COL14A1: variants seen among roughly 807,000 people sequenced by gnomAD.
The protein encoded by COL14A1 is collagen type XIV alpha 1 chain, also known as collagen alpha-1(XIV) chain.
A neutral mutation model predicts 230.3 loss-of-function variants in COL14A1; 136 were observed. The ratio of observed to expected loss-of-function variants is 0.59; its 90% CI spans 0.51 to 0.68. The LOEUF (loss-of-function observed/expected upper bound fraction) is 0.68. Among genes scored for constraint, COL14A1 ranks in the 30% least tolerant of loss-of-function variants. The probability of loss-of-function intolerance (pLI) is 0.00; values close to 1 mark genes in which losing one functional copy is unlikely to be tolerated. For synonymous variants in COL14A1, 792 were observed against 784.1 expected, an observed-to-expected ratio of 1.01 and a Z score of -0.17; for missense variants, 1,976 against 2,215.8, an observed-to-expected ratio of 0.89 and a Z score of 2.17.
chr8:120,350,261 G>A (rs1464898568), intron 45 of COL14A1, among the ~76,000 whole-genome samples: 18 of 151,878 alleles, frequency 1.2e-4, no homozygotes, highest in East Asian at 5.8e-4. Context: ...AGGAACAACC[G>A]GTACCAGCCG....
intron 14 of COL14A1, among the ~76,000 whole-genome samples, chr8:120,222,688 T>G (rs2130794758): frequency 6.6e-6 from 1 of 152,264 alleles, no homozygotes; most frequent in Admixed American, 6.5e-5. Flanking sequence ...GCCCTTAGAT[T>G]AGAGAAGACC....
At chr8:120,192,500 T>C (rs1816862809) in intron 5 of COL14A1, among the ~76,000 whole-genome samples, 2 of 152,216 alleles carry the variant, frequency 1.3e-5, no homozygotes, top group Admixed American at 1.3e-4. Context: ...ATTTCAACTT[T>C]GGTGAATCTG....
chr8:120,146,206 C>CA (rs1815084943), intron 1 of COL14A1, among the ~76,000 whole-genome samples: 2 of 152,310 alleles, frequency 1.3e-5, no homozygotes. Context: ...GTAGTCTTTA[C>CA]ATACAGCAAG....
chr8:120,221,191 G>T (rs1217128633), intron 14 of COL14A1, among the ~76,000 whole-genome samples: 1 of 152,210 alleles, frequency 6.6e-6, no homozygotes, highest in African/African-American at 2.4e-5. Context: ...AGAGCCTGGA[G>T]TTGAGCCCAA....
At chr8:120,148,627 T>C (rs1397749967) in intron 2 of COL14A1, among the ~76,000 whole-genome samples, 1 of 152,250 alleles carries the variant, frequency 6.6e-6, no homozygotes, top group Non-Finnish European at 1.5e-5. Flanking sequence ...GTCTCTTACA[T>C]AATGTACAGG....
intron 1 of COL14A1, among the ~76,000 whole-genome samples, chr8:120,145,179 T>G (rs1180832658): frequency 6.6e-6 from 1 of 152,232 alleles, no homozygotes; most frequent in Admixed American, 6.5e-5. Context: ...AATCCCATTT[T>G]ACCTGTAAAA....
chr8:120,312,000 C>T (rs1563731748), intron 37 of COL14A1, among the ~76,000 whole-genome samples: 1 of 151,884 alleles, frequency 6.6e-6, no homozygotes, highest in South Asian at 2.1e-4. Context: ...GGGAGGCTGA[C>T]ACAGGAGAAT....
At chr8:120,174,733 G>A (rs1172174226) in intron 5 of COL14A1, among the ~76,000 whole-genome samples, 1 of 152,130 alleles carries the variant, frequency 6.6e-6, no homozygotes, top group African/African-American at 2.4e-5. Context: ...TTCAGATGAG[G>A]GTTTCCATGA....
chr8:120,225,442 T>A (rs1269540933), intron 15 of COL14A1, among the ~76,000 whole-genome samples: 1 of 152,172 alleles, frequency 6.6e-6, no homozygotes, highest in East Asian at 1.9e-4. Context: ...ATTCAAAAGG[T>A]CTGTTTTTAA....
intron 31 of COL14A1, among the ~76,000 whole-genome samples, chr8:120,282,310 T>G (rs1468221174): frequency 6.6e-6 from 1 of 152,214 alleles, no homozygotes; most frequent in African/African-American, 2.4e-5. Context: ...TGAAGGCAGA[T>G]CTGCCCCACC....
intron 8 of COL14A1, among the ~76,000 whole-genome samples, chr8:120,201,782 TG>T (rs1817258328): frequency 6.6e-6 from 1 of 152,184 alleles, no homozygotes; most frequent in South Asian, 2.1e-4. Context: ...TTGTGGAGGT[TG>T]TTGGGGTACA....
intron 37 of COL14A1, among the ~76,000 whole-genome samples, chr8:120,310,473 A>G (rs1204368360): frequency 5.3e-5 from 8 of 152,148 alleles, no homozygotes; most frequent in Non-Finnish European, 1.5e-5. Context: ...ACTGCACTAT[A>G]TATAATCAAA....
At chr8:120,173,426 C>T (rs1048930259) in intron 5 of COL14A1, among the ~76,000 whole-genome samples, 1 of 152,074 alleles carries the variant, frequency 6.6e-6, no homozygotes, top group African/African-American at 2.4e-5. Context: ...TTCCAGGAGT[C>T]CTGGCTTCTT....
At chr8:120,366,045 C>T (rs928127913) in intron 45 of COL14A1, among the ~76,000 whole-genome samples, 11 of 152,176 alleles carry the variant, frequency 7.2e-5, no homozygotes, top group African/African-American at 2.4e-4. Context: ...AGTTCCTCAC[C>T]GGAGTCTTCT....
chr8:120,319,948 G>A (rs933332306), intron 40 of COL14A1, among the ~76,000 whole-genome samples: 1 of 152,180 alleles, frequency 6.6e-6, no homozygotes, highest in African/African-American at 2.4e-5. Flanking sequence ...CATTTGCACT[G>A]TAAATCTTGT....
intron 19 of COL14A1, among the ~76,000 whole-genome samples, chr8:120,242,184 T>G (rs10955964): frequency 6.6e-6 from 1 of 151,982 alleles, no homozygotes; most frequent in African/African-American, 2.4e-5. Flanking sequence ...CTAACAAAAT[T>G]TCAAATCCAA....
chr8:120,340,808 T>G (rs550580275), intron 42 of COL14A1, among the ~76,000 whole-genome samples: 18 of 152,332 alleles, frequency 1.2e-4, no homozygotes, highest in African/African-American at 4.3e-4. Context: ...TGTGGCATCG[T>G]GCTGCACAGA....
chr8:120,216,326 A>G (rs1392174428), intron 13 of COL14A1, 25 bp from the exon 14 acceptor site: 6 of 1,581,808 alleles, frequency 3.8e-6, no homozygotes, highest in Non-Finnish European at 5.1e-6. Flanking sequence ...CATTTTAATT[A>G]TTTTCTATTC....
At chr8:120,197,351 C>CA (rs1817073708) in intron 6 of COL14A1, among the ~76,000 whole-genome samples, 1 of 151,646 alleles carries the variant, frequency 6.6e-6, no homozygotes, top group Admixed American at 6.6e-5. Flanking sequence ...AGATAAGAAG[C>CA]AAAAAAGTTG....
Sources: allele counts gnomAD v4.1 joint callset (sites outside exome capture counted in the v4.1 genomes callset), GRCh38; gene constraint gnomAD v4.1.1; transcripts MANE v1.5; gene names NCBI Gene and HGNC (gene_info 2026-07-23, HGNC 2026-07-21).